FIG4: variants seen among roughly 807,000 people sequenced by gnomAD.
FIG4 encodes the protein polyphosphoinositide phosphatase.
FIG4 carries 112 observed loss-of-function variants against 118.6 expected under a neutral mutation model. That is an observed-to-expected ratio of 0.94 (90% CI 0.81 to 1.11). FIG4 has a LOEUF of 1.11. Ranked by LOEUF, FIG4 falls within the 50% of genes least tolerant of loss-of-function variation. FIG4 has a pLI of 0.00. For synonymous variants in FIG4, 369 were observed against 381.2 expected, an observed-to-expected ratio of 0.97 and a Z score of 0.37; for missense variants, 969 against 1,111.7, an observed-to-expected ratio of 0.87 and a Z score of 1.83.
intron 1 of FIG4, among the ~76,000 whole-genome samples, chr6:109,708,895 TC>T (rs1488933950): frequency 1.3e-5 from 2 of 152,214 alleles, no homozygotes; most frequent in Admixed American, 1.3e-4. Context: ...GTAAAAATTT[TC>T]TCTTATTCTG....
chr6:109,804,458 G>C lies in FIG4; in HGVS notation c.2546+7607G>C, dbSNP rs551870878. Among the ~76,000 whole-genome samples the C allele has an allele frequency of 2.0e-5, 3 of 152,178 alleles. No individual in the cohort carries two copies. The East Asian group carries it at 5.8e-4, about 29-fold the overall frequency. ...TGAGCATATACTAGAAGTCTTTTCA[G>C]TTAAGATAAACTTTTGGCTGAAATA... On this transcript the variant is annotated intron_variant, in intron 22 of 22. Coordinates refer to ENST00000230124, the MANE Select transcript of FIG4 (RefSeq NM_014845.6).
chr6:109,715,242 T>C (rs1562642482), intron 2 of FIG4, 66 bp downstream of exon 2: 3 of 786,108 alleles, frequency 3.8e-6, no homozygotes, highest in Admixed American at 3.9e-5. Flanking sequence ...ACATGAAATA[T>C]CCTTACAGTT....
rs1776658689 is a variant in FIG4, at chr6:109,750,543, G to T, written c.1137+6771G>T. ...CAGCTACTTGGAGGCTGAAGTTGGA[G>T]GATCACTTGAGTCCAGGAGTTCCAG... On this transcript the variant is annotated intron_variant, in intron 10 of 22. Transcript: ENST00000230124. 2.0e-5 allele frequency among the ~76,000 whole-genome samples: 3 copies of T among 152,076 alleles called. No individual in the cohort carries two copies. In the South Asian group the frequency reaches 6.2e-4, roughly 32 times the overall value.
intron 3 of FIG4, among the ~76,000 whole-genome samples, chr6:109,722,163 A>C (rs1439338471): frequency 6.7e-6 from 1 of 148,780 alleles, no homozygotes; most frequent in South Asian, 2.1e-4. Context: ...AGTTGTCATC[A>C]GCTTTTTTTT....
chr6:109,701,808 A>G, intron 1 of FIG4: 1 of 464,456 alleles, frequency 2.2e-6, no homozygotes, highest in Non-Finnish European at 4.5e-6. Context: ...TTGACTAAGG[A>G]TTGGAAAAGG....
At chr6:109,734,423 A>G (rs1776101033) in intron 5 of FIG4, among the ~76,000 whole-genome samples, 1 of 150,292 alleles carries the variant, frequency 6.7e-6, no homozygotes, top group African/African-American at 2.4e-5. Context: ...GCATATTTAT[A>G]TATGCATATT....
chr6:109,704,883 A>G (rs542208329), intron 1 of FIG4, among the ~76,000 whole-genome samples: 92 of 152,212 alleles, frequency 6.0e-4, no homozygotes, highest in African/African-American at 2.1e-3. Context: ...GGAAAATTGG[A>G]ATATAAATTG....
chr6:109,716,832 G>C (rs939206081), intron 3 of FIG4, among the ~76,000 whole-genome samples: 5 of 152,158 alleles, frequency 3.3e-5, no homozygotes, highest in African/African-American at 7.2e-5. Context: ...GTTGCTGTCT[G>C]TCTCATTGAT....
At chr6:109,733,222 A>T (rs1046497557) in intron 5 of FIG4, among the ~76,000 whole-genome samples, 1 of 152,152 alleles carries the variant, frequency 6.6e-6, no homozygotes, top group African/African-American at 2.4e-5. Flanking sequence ...ATTGGTAAAG[A>T]GACATTTATT....
chr6:109,783,722 C>A (rs1777873919), intron 16 of FIG4, among the ~76,000 whole-genome samples: 1 of 152,224 alleles, frequency 6.6e-6, no homozygotes, highest in South Asian at 2.1e-4. Context: ...GGAGGATCTG[C>A]CCCTTTGGTT....
At chr6:109,762,598 A>C (rs906839608) in intron 12 of FIG4, among the ~76,000 whole-genome samples, 1 of 150,300 alleles carries the variant, frequency 6.7e-6, no homozygotes, top group Non-Finnish European at 1.5e-5. Context: ...TTTTATTACT[A>C]TTTTGGGAGC....
At chr6:109,754,902 A>AT (rs1776835293) in intron 10 of FIG4, among the ~76,000 whole-genome samples, 2 of 151,976 alleles carry the variant, frequency 1.3e-5, no homozygotes, top group African/African-American at 2.4e-5. Flanking sequence ...GGATTCATTA[A>AT]TTTTTTGAAG....
At chr6:109,743,032 A>T (rs997070135) in intron 8 of FIG4, 78 bp from the exon 9 acceptor site, 2 of 1,247,642 alleles carry the variant, frequency 1.6e-6, no homozygotes, top group African/African-American at 1.5e-5. Context: ...AAGAATAGGA[A>T]TTATAACTTC....
intron 18 of FIG4, among the ~76,000 whole-genome samples, chr6:109,789,139 G>A (rs1778066406): frequency 6.6e-6 from 1 of 152,174 alleles, no homozygotes; most frequent in African/African-American, 2.4e-5. Context: ...ACAGCTTAGT[G>A]TTTTGTCATT....
chr6:109,783,977 A>G (rs931925626), intron 16 of FIG4, among the ~76,000 whole-genome samples: 1 of 152,130 alleles, frequency 6.6e-6, no homozygotes, highest in Admixed American at 6.6e-5. Flanking sequence ...TCTGCTTGCC[A>G]TCCCTAGGAG....
At chr6:109,800,600 T>G (rs750189577) in intron 22 of FIG4, among the ~76,000 whole-genome samples, 3 of 152,128 alleles carry the variant, frequency 2.0e-5, no homozygotes, top group Non-Finnish European at 4.4e-5. Context: ...AACAGTAACT[T>G]AAATTGAGTG....
At chr6:109,758,529 A>T (rs987587058) in intron 10 of FIG4, among the ~76,000 whole-genome samples, 2 of 152,224 alleles carry the variant, frequency 1.3e-5, no homozygotes, top group African/African-American at 4.8e-5. Flanking sequence ...AGGCAATACT[A>T]TTCAGGACAT....
rs746367416 is a variant in FIG4, at chr6:109,766,765, C to G, written c.1620C>G (p.Thr540=). ...AACTCTATGAAGATCATGGTGATAC[C>G]CTATCCCTTCAGTATGGTGGTTCTC... is the stretch of plus-strand genomic sequence containing the variant. ...FEELYEDHGD[T]LSLQYGGSQL... Residue 540 remains threonine (T), a synonymous_variant, in exon 15 of 23, where the codon ACC becomes ACG. Transcript: ENST00000230124. 6.2e-7 allele frequency: 1 copy of G among 1,613,482 alleles called. No homozygotes were observed. The highest frequency in any genetic ancestry group is 2.2e-5 in the East Asian group (1 of 44,854).
intron 15 of FIG4, among the ~76,000 whole-genome samples, chr6:109,771,772 C>A (rs1161234647): frequency 6.6e-6 from 1 of 152,182 alleles, no homozygotes; most frequent in Non-Finnish European, 1.5e-5. Flanking sequence ...CTTGTGGTGG[C>A]CCTGCTCCAT....
Sources: allele counts gnomAD v4.1 joint callset (sites outside exome capture counted in the v4.1 genomes callset), GRCh38; gene constraint gnomAD v4.1.1; transcripts MANE v1.5; gene names NCBI Gene and HGNC (gene_info 2026-07-23, HGNC 2026-07-21).